The following ST18 variants were observed in gnomAD, a reference collection of about 807,000 sequenced individuals.
ST18 encodes ST18 C2H2C-type zinc finger transcription factor, also known as suppression of tumorigenicity 18 protein.
ST18 carries 50 observed loss-of-function variants against 110.0 expected under a neutral mutation model. That is an observed-to-expected ratio of 0.45 (90% CI 0.36 to 0.58). The LOEUF is 0.58. Ranked by LOEUF, ST18 falls within the 20% of genes least tolerant of loss-of-function variation. The pLI, the probability that ST18 is intolerant of heterozygous loss-of-function variation, is 0.00. For synonymous variants in ST18, 461 were observed against 452.4 expected (o/e 1.02, Z -0.24); for missense variants, 1,306 against 1,280.1 (o/e 1.02, Z -0.31).
chr8:52,212,760 C>T (rs1369068440), intron 7 of ST18, among the ~76,000 whole-genome samples: 3 of 152,142 alleles, frequency 2.0e-5, no homozygotes, highest in Non-Finnish European at 2.9e-5. Flanking sequence ...ACTCATGCCT[C>T]ACGAGAAACA....
chr8:52,114,283 T>C (rs2041694846), intron 25 of ST18, among the ~76,000 whole-genome samples: 1 of 152,122 alleles, frequency 6.6e-6, no homozygotes, highest in South Asian at 2.1e-4. Flanking sequence ...CTGTTCTTTT[T>C]GTATGTTTTG....
intron 2 of ST18, chr8:52,404,089 C>A (rs1188104980): frequency 6.6e-6 from 1 of 152,142 alleles, no homozygotes; most frequent in East Asian, 1.9e-4. Context: ...TCTATTGCCG[C>A]CTTGCCATGA....
At chr8:52,125,846 A>C in intron 23 of ST18, 1 of 532,544 alleles carries the variant, frequency 1.9e-6, no homozygotes, top group Non-Finnish European at 3.3e-6. Flanking sequence ...TCTGTTGGAG[A>C]TCACTCCTTA....
chr8:52,332,192 T>C (rs947100125), intron 2 of ST18, among the ~76,000 whole-genome samples: 1 of 152,102 alleles, frequency 6.6e-6, no homozygotes, highest in African/African-American at 2.4e-5. Context: ...TAAACAGTAA[T>C]TAAAATCAAA....
Position 52,322,776 on chromosome 8 carries a change from A to G in ST18, c.-465+86552T>C, listed in dbSNP as rs1306951677. Among the ~76,000 whole-genome samples, 4 of 152,254 alleles carry G rather than the reference A, an allele frequency of 2.6e-5. No homozygotes were observed. The East Asian group carries it at 7.7e-4, about 29-fold the overall frequency. On this transcript the variant is annotated intron_variant, in intron 2 of 25. Coordinates refer to ENST00000689386, the MANE Select transcript of ST18 (RefSeq NM_001352837.2). ...CCTTATCATCTGACTCATTTTGGTT[A>G]AAAACTAAACAATATCCAAAGTGAA...
In ST18 at chr8:52,209,792, T is replaced by A. The variant is rs865829474; in HGVS notation, c.86+2287A>T. Among the ~76,000 whole-genome samples, 552 of 128,736 alleles carry A rather than the reference T, an allele frequency of 4.3e-3. 2 individuals are homozygous for A. The highest frequency in any genetic ancestry group is 0.012 in the East Asian group (54 of 4,336). The allele number at this position is 128,736 out of a possible 152,430, so 84.5% of individuals were successfully genotyped here. ...TCTCAAAAAAAAAAAAAAAAAAATA[T>A]ATATATATATATATATATACATGCT... On this transcript the variant is annotated intron_variant, in intron 8 of 25. Transcript: ENST00000689386.
chr8:52,136,230 TTAAGGA>T (rs1423622693), intron 19 of ST18, among the ~76,000 whole-genome samples: 1 of 152,048 alleles, frequency 6.6e-6, no homozygotes, highest in Non-Finnish European at 1.5e-5. Flanking sequence ...ACCCAGCAGG[TTAAGGA>T]TTATGCAATT....
At chr8:52,258,837 A>T (rs1434450121) in intron 2 of ST18, among the ~76,000 whole-genome samples, 4 of 152,212 alleles carry the variant, frequency 2.6e-5, no homozygotes, top group African/African-American at 9.6e-5. Context: ...GTTTAGCATG[A>T]TATTAGCTAA....
At chr8:52,408,522 A>G (rs1338856937) in intron 2 of ST18, among the ~76,000 whole-genome samples, 3 of 152,246 alleles carry the variant, frequency 2.0e-5, no homozygotes, top group Non-Finnish European at 4.4e-5. Context: ...GTGAACTGGA[A>G]GAACAATCTT....
chr8:52,212,174 G>T (rs1588576177), intron 7 of ST18, 65 bp from the exon 8 acceptor site: 4 of 1,511,590 alleles, frequency 2.6e-6, no homozygotes, highest in Non-Finnish European at 3.6e-6. Context: ...CTGTATAATG[G>T]AAACTTTTCC....
intron 19 of ST18, among the ~76,000 whole-genome samples, chr8:52,135,047 A>G (rs1461315771): frequency 6.6e-6 from 1 of 152,202 alleles, no homozygotes; most frequent in Non-Finnish European, 1.5e-5. Context: ...ATTTTTCTAG[A>G]AGCAAGTTTT....
chr8:52,313,936 G>C (rs2095973661), intron 2 of ST18, among the ~76,000 whole-genome samples: 1 of 152,164 alleles, frequency 6.6e-6, no homozygotes, highest in African/African-American at 2.4e-5. Flanking sequence ...ACAGGGGAGT[G>C]GTGGCCACAA....
intron 2 of ST18, among the ~76,000 whole-genome samples, chr8:52,321,370 T>C (rs140099574): frequency 1.9e-3 from 296 of 152,358 alleles, no homozygotes; most frequent in African/African-American, 6.7e-3. Context: ...TCTAGTGTCA[T>C]CTACACTTCT....
At chr8:52,136,568 C>T (rs769430029) in intron 19 of ST18, 22 bp downstream of exon 19, 39 of 1,602,050 alleles carry the variant, frequency 2.4e-5, no homozygotes, top group Middle Eastern at 1.6e-4. Context: ...AAGGGCAAGC[C>T]GGCCACGCTT....
chr8:52,117,901 G>T (rs1438379502), intron 24 of ST18, among the ~76,000 whole-genome samples: 1 of 152,156 alleles, frequency 6.6e-6, no homozygotes, highest in Non-Finnish European at 1.5e-5. Context: ...TAAAGAATTT[G>T]CTCAAGAAAA....
chr8:52,346,270 T>C (rs535150099), intron 2 of ST18, among the ~76,000 whole-genome samples: 2 of 151,070 alleles, frequency 1.3e-5, no homozygotes, highest in East Asian at 3.9e-4. Context: ...AATAAAAATT[T>C]GAAGAGAAGC....
chr8:52,159,473 AG>A (rs2060862699), intron 14 of ST18, among the ~76,000 whole-genome samples: 1 of 152,240 alleles, frequency 6.6e-6, no homozygotes, highest in African/African-American at 2.4e-5. Context: ...AGAGAGTTTA[AG>A]GCATGCCCAT....
intron 2 of ST18, among the ~76,000 whole-genome samples, chr8:52,238,998 A>AT (rs2093078939): frequency 1.3e-5 from 2 of 152,226 alleles, no homozygotes; most frequent in South Asian, 4.2e-4. Context: ...TGTACCCCCT[A>AT]TATCTATACC....
chr8:52,279,805 A>G (rs2095341382), intron 2 of ST18, among the ~76,000 whole-genome samples: 1 of 152,178 alleles, frequency 6.6e-6, no homozygotes, highest in African/African-American at 2.4e-5. Flanking sequence ...CTATCTTCAA[A>G]CAAACACAAA....
Sources: allele counts gnomAD v4.1 joint callset (sites outside exome capture counted in the v4.1 genomes callset), GRCh38; gene constraint gnomAD v4.1.1; transcripts MANE v1.5; gene names NCBI Gene and HGNC (gene_info 2026-07-23, HGNC 2026-07-21).